Variants in PRR5 observed in about 807,000 individuals in gnomAD.
PRR5 encodes proline rich 5, also known as proline-rich protein 5.
Under a neutral mutation model 30.6 loss-of-function variants are expected in PRR5, and 25 were observed. That is an observed-to-expected ratio of 0.82 (90% confidence interval 0.60 to 1.14). The LOEUF (loss-of-function observed/expected upper bound fraction) is 1.14, where lower values mean the gene tolerates loss of function less well. Among genes scored for constraint, PRR5 ranks in the 50% most tolerant of loss-of-function variants. PRR5 has a pLI of 0.00. For synonymous variants in PRR5, 286 were observed against 247.1 expected, an observed-to-expected ratio of 1.16 and a Z score of -1.48; for missense variants, 600 against 547.1, an observed-to-expected ratio of 1.10 and a Z score of -0.96.
chr22:44,720,866 C>T (rs1929828054), intron 2 of PRR5, among the ~76,000 whole-genome samples: 1 of 152,106 alleles, frequency 6.6e-6, no homozygotes, highest in East Asian at 1.9e-4. Flanking sequence ...TCAGAGGAGG[C>T]CAGGGGAGCC....
intron 1 of PRR5, among the ~76,000 whole-genome samples, chr22:44,668,960 G>GCGCGCT (rs1288224206): frequency 6.6e-6 from 1 of 150,652 alleles, no homozygotes; most frequent in African/African-American, 2.4e-5. Context: ...GTGCGCGCGC[G>GCGCGCT]CGCGACGCCG....
At chr22:44,718,190 C>CTTTTTTT (rs1569096191) in intron 2 of PRR5, among the ~76,000 whole-genome samples, 1 of 70,304 alleles carries the variant, frequency 1.4e-5, no homozygotes, top group Admixed American at 1.7e-4. Context: ...GTTTTCATCT[C>CTTTTTTT]TCTTTTTTTT....
chr22:44,682,682 G>T (rs1336936130), intron 1 of PRR5, among the ~76,000 whole-genome samples: 1 of 152,218 alleles, frequency 6.6e-6, no homozygotes, highest in Non-Finnish European at 1.5e-5. Flanking sequence ...GGAGGCTGCA[G>T]ATGGCTCTCT....
chr22:44,708,577 C>T (rs1348129455), intron 1 of PRR5, among the ~76,000 whole-genome samples: 1 of 152,196 alleles, frequency 6.6e-6, no homozygotes, highest in South Asian at 2.1e-4. Flanking sequence ...TACACCCTGA[C>T]CTGTACCGGG....
In PRR5 at chr22:44,731,815, G is replaced by T. The variant is rs34136814; in HGVS notation, c.408G>T (p.Pro136=). 6.2e-7 allele frequency: 1 copy of T among 1,612,716 alleles called. No individual in the cohort carries two copies. Among genetic ancestry groups the T allele is most frequent in the Admixed American group, 1.7e-5 (1 of 59,976 alleles). ...CCATGCTGCAGGCCATCTTCTACCC[G>T]GTGCAGGTGGGCAGCCCAGCCCTGG... ...VLPMLQAIFY[P]VQGKEPSVRQ... is the part of the protein sequence containing the mutation. Residue 136 remains proline, a synonymous_variant, in exon 5 of 8, where the codon CCG becomes CCT. Transcript: ENST00000336985.
At chr22:44,705,644 A>G (rs1379375316) in intron 1 of PRR5, among the ~76,000 whole-genome samples, 1 of 143,544 alleles carries the variant, frequency 7.0e-6, no homozygotes, top group Non-Finnish European at 1.5e-5. Flanking sequence ...TTTTCTTTTG[A>G]GACGGAATCT....
chr22:44,734,835 T>G, intron 6 of PRR5, 192 bp from the exon 7 acceptor site: 1 of 710,468 alleles, frequency 1.4e-6, no homozygotes, highest in East Asian at 2.7e-5. Flanking sequence ...AGCAGCAGAG[T>G]GACTCAGGCC....
At chr22:44,728,176 A>C (rs774648172) in intron 4 of PRR5, among the ~76,000 whole-genome samples, 23 of 152,084 alleles carry the variant, frequency 1.5e-4, no homozygotes, top group Admixed American at 3.3e-4. Flanking sequence ...GAGGCCCAGC[A>C]TCCTCTTCTG....
At chr22:44,677,439 C>G (rs544214218) in intron 1 of PRR5, among the ~76,000 whole-genome samples, 40 of 152,328 alleles carry the variant, frequency 2.6e-4, no homozygotes, top group Admixed American at 7.8e-4. Flanking sequence ...GGTGTCTGTC[C>G]GCCCTGATGT....
intron 1 of PRR5, among the ~76,000 whole-genome samples, chr22:44,671,087 T>G (rs1401035076): frequency 6.6e-6 from 1 of 152,182 alleles, no homozygotes; most frequent in Non-Finnish European, 1.5e-5. Flanking sequence ...GACAGGCTAC[T>G]GATGCTGTGT....
At chr22:44,727,839 A>T (rs1921138228) in intron 4 of PRR5, among the ~76,000 whole-genome samples, 1 of 152,198 alleles carries the variant, frequency 6.6e-6, no homozygotes, top group African/African-American at 2.4e-5. Flanking sequence ...CCAAGACAGG[A>T]ACACAAAGAG....
At chr22:44,708,700 C>T (rs975536431) in intron 1 of PRR5, among the ~76,000 whole-genome samples, 1 of 152,168 alleles carries the variant, frequency 6.6e-6, no homozygotes, top group Non-Finnish European at 1.5e-5. Flanking sequence ...AACGCCGTAG[C>T]TCATGCCTGT....
chr22:44,687,870 G>A (rs111462697), intron 1 of PRR5, among the ~76,000 whole-genome samples: 12,878 of 151,952 alleles, frequency 0.085, 697 homozygotes, highest in East Asian at 0.27. Flanking sequence ...CGCCTCCCGG[G>A]TTCAAGCGAT....
At chr22:44,670,030 TG>T (rs1388386357) in intron 1 of PRR5, among the ~76,000 whole-genome samples, 1 of 152,168 alleles carries the variant, frequency 6.6e-6, no homozygotes, top group African/African-American at 2.4e-5. Flanking sequence ...TGTCCTGAGC[TG>T]GTAAGGGGGC....
chr22:44,722,008 G>C (rs1439542267), intron 2 of PRR5, among the ~76,000 whole-genome samples: 1 of 152,232 alleles, frequency 6.6e-6, no homozygotes, highest in African/African-American at 2.4e-5. Flanking sequence ...GTCACAGCTT[G>C]GTCCTTGGCG....
chr22:44,731,717 C>G lies in PRR5; in HGVS notation c.323-13C>G. On this transcript the variant is annotated splice_polypyrimidine_tract_variant and intron_variant, in intron 4 of 7. Transcript: ENST00000336985. The stretch of plus-strand genomic sequence containing the variant: ...CCAGTCAGGCCCAGTGGTGATGGCC[C>G]CCATGCCCACAGGACAGAAGCTGCT... 2.5e-6 allele frequency: 4 copies of G among 1,613,306 alleles called. No homozygotes were observed. The highest frequency in any genetic ancestry group is 1.7e-6 in the Non-Finnish European group (2 of 1,179,668).
At chr22:44,725,061 G>A (rs546673303) in intron 2 of PRR5, among the ~76,000 whole-genome samples, 183 bp from the exon 3 acceptor site, 13 of 152,272 alleles carry the variant, frequency 8.5e-5, no homozygotes, top group African/African-American at 1.4e-4. Context: ...TGGAGGCCCC[G>A]GTTGTGTGGC....
At chr22:44,679,781 G>C in intron 1 of PRR5, 1 of 1,582,652 alleles carries the variant, frequency 6.3e-7, no homozygotes, top group South Asian at 1.2e-5. Context: ...GGGGCAGGCT[G>C]GTCAGAAGAC....
chr22:44,695,431 C>A (rs1393182303), intron 1 of PRR5, among the ~76,000 whole-genome samples: 2 of 152,138 alleles, frequency 1.3e-5, no homozygotes, highest in African/African-American at 4.8e-5. Context: ...GAGCAGATGT[C>A]CTCACAGAGG....
Sources: allele counts gnomAD v4.1 joint callset (sites outside exome capture counted in the v4.1 genomes callset), GRCh38; gene constraint gnomAD v4.1.1; transcripts MANE v1.5; gene names NCBI Gene and HGNC (gene_info 2026-07-23, HGNC 2026-07-21).